The following ADAMTS3 variants were observed in gnomAD, a reference collection of about 807,000 sequenced individuals.
ADAMTS3 encodes A disintegrin and metalloproteinase with thrombospondin motifs 3.
A neutral mutation model predicts 129.0 loss-of-function variants in ADAMTS3; 73 were observed. The observed-to-expected ratio is 0.57, with a 90% CI of 0.47 to 0.69. The LOEUF is 0.69. Ranked by LOEUF, ADAMTS3 falls within the 30% of genes least tolerant of loss-of-function variation. The pLI is 0.00. For missense variants in ADAMTS3, 1,457 were observed against 1,514.5 expected (o/e 0.96, Z 0.63); for synonymous variants, 477 against 510.8 (o/e 0.93, Z 0.89).
At chr4:72,450,415 C>T (rs1327586403) in intron 3 of ADAMTS3, among the ~76,000 whole-genome samples, 2 of 151,698 alleles carry the variant, frequency 1.3e-5, no homozygotes, top group Non-Finnish European at 1.5e-5. Context: ...TCAGGTAAGA[C>T]TTGCTTATTG....
chr4:72,494,889 A>T (rs957810303), intron 3 of ADAMTS3, among the ~76,000 whole-genome samples: 1 of 152,174 alleles, frequency 6.6e-6, no homozygotes, highest in Admixed American at 6.6e-5. Context: ...GACTATGAGG[A>T]TCTTCAGCAG....
chr4:72,526,574 G>GTGTC (rs1338621761), intron 3 of ADAMTS3, among the ~76,000 whole-genome samples: 1 of 137,422 alleles, frequency 7.3e-6, no homozygotes. Flanking sequence ...AAATTTATGT[G>GTGTC]TGTGTGTGTG....
At chr4:72,323,199 G>T (rs906329741) in intron 5 of ADAMTS3, 102 bp from the exon 6 acceptor site, 5 of 863,400 alleles carry the variant, frequency 5.8e-6, no homozygotes, top group Non-Finnish European at 7.5e-6. Flanking sequence ...TGAGTAAATT[G>T]CTGTTTTTAA....
chr4:72,318,648 T>C lies in ADAMTS3; in HGVS notation c.1409A>G (p.Glu470Gly). The C allele has an allele frequency of 6.2e-7, 1 of 1,613,854 alleles. No homozygotes were observed. The highest frequency in any genetic ancestry group is 1.1e-5 in the South Asian group (1 of 91,084). Residue 470 changes from glutamate (E) to glycine (G), a missense_variant, in exon 10 of 22, where the codon GAA (glutamate) becomes GGA (glycine). Transcript: ENST00000286657. ...PFDHDWPKLP[E>G]LPGINYSMDE... ...CATAGAATAATTGATTCCAGGAAGT[T>C]CTGGGAGTTTAGGCCAATCATGATC...
At chr4:72,333,075 T>A (rs1011841155) in intron 5 of ADAMTS3, among the ~76,000 whole-genome samples, 1 of 152,128 alleles carries the variant, frequency 6.6e-6, no homozygotes, top group East Asian at 1.9e-4. Context: ...AGCTTCAATC[T>A]CTTCATTTGT....
At chr4:72,419,606 G>A (rs1379336450) in intron 3 of ADAMTS3, among the ~76,000 whole-genome samples, 1 of 152,148 alleles carries the variant, frequency 6.6e-6, no homozygotes, top group African/African-American at 2.4e-5. Context: ...AAAACGTTAT[G>A]AGATTTTTTG....
intron 3 of ADAMTS3, among the ~76,000 whole-genome samples, chr4:72,470,362 T>TATATATAC (rs1719036671): frequency 5.6e-5 from 1 of 17,774 alleles, no homozygotes; most frequent in Non-Finnish European, 1.3e-4. Context: ...ATTTTAAGTT[T>TATATATAC]ATATATATAT....
intron 3 of ADAMTS3, among the ~76,000 whole-genome samples, chr4:72,431,662 T>G (rs906542426): frequency 6.6e-6 from 1 of 152,024 alleles, no homozygotes; most frequent in African/African-American, 2.4e-5. Flanking sequence ...CACATGCAAA[T>G]ATTCCAAAAT....
intron 4 of ADAMTS3, among the ~76,000 whole-genome samples, chr4:72,378,007 G>A (rs1052080429): frequency 1.3e-5 from 2 of 152,098 alleles, no homozygotes; most frequent in Admixed American, 1.3e-4. Context: ...AAGAAAGCAT[G>A]CTTAGAATTA....
At chr4:72,562,898 G>A (rs1202852824) in intron 2 of ADAMTS3, among the ~76,000 whole-genome samples, 2 of 152,148 alleles carry the variant, frequency 1.3e-5, no homozygotes, top group East Asian at 1.9e-4. Context: ...AAGCATTAAA[G>A]TTCCATTGAA....
Position 72,454,790 on chromosome 4 carries a change from A to G in ADAMTS3, c.505-39819T>C, listed in dbSNP as rs144525771. ...GCAGTGGAGGAGAAACAGGGTTTGA[A>G]GCCTATGAAGCCAGAATCTGGGCTG... is the stretch of plus-strand genomic sequence containing the variant. On this transcript the variant is annotated intron_variant, in intron 3 of 21. Transcript: ENST00000286657. 9.9e-5 allele frequency among the ~76,000 whole-genome samples: 15 copies of G among 151,824 alleles called. No individual in the cohort carries two copies. The East Asian group carries it at 2.9e-3, about 30-fold the overall frequency.
chr4:72,318,218 G>A (rs1560470246), intron 10 of ADAMTS3, among the ~76,000 whole-genome samples: 1 of 152,008 alleles, frequency 6.6e-6, no homozygotes, highest in Non-Finnish European at 1.5e-5. Context: ...TTCTCTGAAG[G>A]TCACAAAAAG....
At chr4:72,404,360 C>T (rs1268268289) in intron 4 of ADAMTS3, among the ~76,000 whole-genome samples, 3 of 151,918 alleles carry the variant, frequency 2.0e-5, no homozygotes, top group East Asian at 1.9e-4. Flanking sequence ...GAAATAAACC[C>T]ACACATATAT....
intron 4 of ADAMTS3, among the ~76,000 whole-genome samples, chr4:72,380,993 C>T (rs1721274304): frequency 6.6e-6 from 1 of 152,126 alleles, no homozygotes; most frequent in African/African-American, 2.4e-5. Context: ...ACATTTATCA[C>T]TGACTCATTC....
chr4:72,535,956 T>C (rs1001808669), intron 3 of ADAMTS3, among the ~76,000 whole-genome samples: 2 of 152,178 alleles, frequency 1.3e-5, no homozygotes, highest in African/African-American at 2.4e-5. Context: ...AATGTTAAAA[T>C]TGTGACTTAC....
At chr4:72,296,697 ATATAAC>A (rs142795849) in intron 18 of ADAMTS3, among the ~76,000 whole-genome samples, 10 of 152,156 alleles carry the variant, frequency 6.6e-5, no homozygotes, top group Non-Finnish European at 1.5e-4. Flanking sequence ...ACATTCTCTT[ATATAAC>A]TATAATATAA....
intron 4 of ADAMTS3, among the ~76,000 whole-genome samples, chr4:72,365,766 C>T (rs1316169636): frequency 6.6e-6 from 1 of 152,046 alleles, no homozygotes; most frequent in Non-Finnish European, 1.5e-5. Context: ...ATCTGATGCA[C>T]AAAAATTAAT....
chr4:72,455,620 T>TAAA (rs71215432), intron 3 of ADAMTS3, among the ~76,000 whole-genome samples: 6 of 134,774 alleles, frequency 4.5e-5, no homozygotes, highest in African/African-American at 1.7e-4. Flanking sequence ...CTTAAAGTAT[T>TAAA]AAAAAAAAAA....
At chr4:72,460,274 G>A (rs1457627154) in intron 3 of ADAMTS3, among the ~76,000 whole-genome samples, 1 of 151,482 alleles carries the variant, frequency 6.6e-6, no homozygotes, top group Non-Finnish European at 1.5e-5. Flanking sequence ...TTTTTGGAGA[G>A]TAATGAAGCT....
Sources: allele counts gnomAD v4.1 joint callset (sites outside exome capture counted in the v4.1 genomes callset), GRCh38; gene constraint gnomAD v4.1.1; transcripts MANE v1.5; gene names NCBI Gene and HGNC (gene_info 2026-07-23, HGNC 2026-07-21).